CEP350: variants seen among roughly 807,000 people sequenced by gnomAD.
The protein encoded by CEP350 is centrosome-associated protein 350.
In CEP350, 126 loss-of-function variants were observed where a neutral mutation model predicts 331.8. The observed-to-expected ratio is 0.38, with a 90% confidence interval of 0.33 to 0.44. The LOEUF is 0.44. Ranked by LOEUF, CEP350 falls within the 20% of genes least tolerant of loss-of-function variation. The pLI, the probability that CEP350 is intolerant of heterozygous loss-of-function variation, is 1.00. For missense variants in CEP350, 3,406 were observed against 3,634.6 expected (o/e 0.94, Z 1.62); for synonymous variants, 1,200 against 1,259.5 (o/e 0.95, Z 1.00).
chr1:180,024,475 C>T lies in CEP350; in HGVS notation c.3443C>T (p.Ser1148Phe). Residue 1148 changes from serine to phenylalanine, a missense_variant, in exon 14 of 38, where the codon TCC (serine) becomes TTC (phenylalanine). Physicochemically the swap from Ser to Phe is radical, Grantham distance 155. Coordinates refer to ENST00000367607, the MANE Select transcript of CEP350 (RefSeq NM_014810.5). Reference sequence around the variant, plus strand: ...AACAGAAAGTCTGCCTATGATCCTTCCTCTGTGGATGTTACCTCCCAGCAT... The same window carrying T: ...AACAGAAAGTCTGCCTATGATCCTTTCTCTGTGGATGTTACCTCCCAGCAT... Reference protein sequence around the residue: ...HSNRKSAYDPSSVDVTSQHSS... With the variant: ...HSNRKSAYDPFSVDVTSQHSS... 2 of 1,613,328 alleles carry T rather than the reference C, an allele frequency of 1.2e-6. No individual in the cohort carries two copies. Among genetic ancestry groups the T allele is most frequent in the Non-Finnish European group, 1.7e-6 (2 of 1,179,606 alleles).
intron 22 of CEP350, among the ~76,000 whole-genome samples, chr1:180,051,595 A>C (rs779951371): frequency 2.5e-4 from 38 of 152,322 alleles, no homozygotes; most frequent in Non-Finnish European, 3.7e-4. Flanking sequence ...ACAATGAGTA[A>C]ATTTTAATAT....
At chr1:180,017,003 C>G (rs1029755895) in intron 11 of CEP350, among the ~76,000 whole-genome samples, 3 of 152,088 alleles carry the variant, frequency 2.0e-5, no homozygotes, top group African/African-American at 7.2e-5. Flanking sequence ...TAGAATAATA[C>G]TGTCAATAAA....
chr1:180,019,756 G>A (rs545029369), intron 11 of CEP350, among the ~76,000 whole-genome samples, 193 bp from the exon 12 acceptor site: 10 of 152,066 alleles, frequency 6.6e-5, no homozygotes, highest in African/African-American at 2.4e-4. Context: ...TGTTTGGAAG[G>A]ATATAATTCT....
chr1:179,996,482 A>T, intron 5 of CEP350, 71 bp from the exon 6 acceptor site: 1 of 1,106,942 alleles, frequency 9.0e-7, no homozygotes, highest in Non-Finnish European at 1.3e-6. Flanking sequence ...CTTAAAATCT[A>T]CTCTTAGCAA....
chr1:180,090,672 TA>T (rs1397240020), intron 32 of CEP350, 41 bp from the exon 33 acceptor site: 11 of 1,495,140 alleles, frequency 7.4e-6, no homozygotes, highest in Non-Finnish European at 9.8e-6. Context: ...CCAGTTATTA[TA>T]GTAATATGTT....
At chr1:179,971,032 G>GT (rs202043163) in intron 1 of CEP350, among the ~76,000 whole-genome samples, 17,238 of 140,046 alleles carry the variant, frequency 0.12, 1,406 homozygotes, top group African/African-American at 0.24. Flanking sequence ...GTTGTTGTTT[G>GT]TTTTTTTTTT....
intron 21 of CEP350, among the ~76,000 whole-genome samples, chr1:180,048,166 G>T (rs995291032): frequency 6.6e-6 from 1 of 152,214 alleles, no homozygotes; most frequent in Non-Finnish European, 1.5e-5. Flanking sequence ...TAGTAGAGCA[G>T]TTGGGGTGGA....
intron 11 of CEP350, among the ~76,000 whole-genome samples, chr1:180,018,753 A>G (rs1404387032): frequency 6.6e-6 from 1 of 152,074 alleles, no homozygotes; most frequent in Non-Finnish European, 1.5e-5. Context: ...CATGCCTCCC[A>G]GCTTTCTGTC....
In CEP350 at chr1:179,996,974, C is replaced by G; in HGVS notation, c.817C>G (p.Leu273Val). 6.2e-7 allele frequency: 1 copy of G among 1,613,982 alleles called. No homozygotes were observed. Among genetic ancestry groups the G allele is most frequent in the Non-Finnish European group, 8.5e-7 (1 of 1,179,858 alleles). Residue 273 changes from leucine to valine, a missense_variant, in exon 6 of 38, where the codon CTA becomes GTA. This residue lies in a region of CEP350 where 1,857 missense variants were observed against 1,909.2 expected (regional missense o/e 0.97). Transcript: ENST00000367607. ...TTCTAATTCCCAAAGATTAGATATT[C>G]TAAAGCGGCGACAACATGATGTCAA... Reference protein sequence around the residue: ...STSNSQRLDILKRRQHDVKLE... With the variant: ...STSNSQRLDIVKRRQHDVKLE...
rs1423403100 is a variant in CEP350, at chr1:180,093,729, TATG to T, written c.7628_7630del (p.Asp2543del). 3.1e-6 allele frequency: 5 copies of T among 1,613,806 alleles called. No individual in the cohort carries two copies. The African/African-American group carries it at 6.7e-5, about 22-fold the overall frequency. On this transcript the variant is annotated inframe_deletion, in exon 34 of 38. Transcript: ENST00000367607. ...ACCTGAAGGAAATAACAATGGAACA[TATG>T]ATGGTATTGCATATTTTGAGTGCAA...
At chr1:179,969,080 A>C in intron 1 of CEP350, 1 of 702,004 alleles carries the variant, frequency 1.4e-6, no homozygotes, top group Non-Finnish European at 2.6e-6. Context: ...TCTGTGTAAC[A>C]CAGAGTCTCC....
Position 180,011,844 on chromosome 1 carries a change from T to G in CEP350, c.1247-85T>G, listed in dbSNP as rs946027835. On this transcript the variant is annotated intron_variant, in intron 8 of 37. Transcript: ENST00000367607. The stretch of plus-strand genomic sequence containing the variant: ...TGACCTTGACAGATGAACATAAGAT[T>G]AATAATAAAACCTGTATGGTTGAGT... 1.1e-5 allele frequency: 10 copies of G among 875,978 alleles called. No individual in the cohort carries two copies. In the South Asian group the frequency reaches 1.9e-4, roughly 16 times the overall value. The allele number at this position is 875,978 out of a possible 1,614,324, so 54.3% of individuals were successfully genotyped here. A position where few individuals can be genotyped will look rare whatever the true frequency, so the allele number is the denominator to read the frequency against.
intron 34 of CEP350, 80 bp downstream of exon 34, chr1:180,094,696 A>C: frequency 2.1e-6 from 3 of 1,413,424 alleles, no homozygotes; most frequent in Non-Finnish European, 2.8e-6. Flanking sequence ...TATATAGTAC[A>C]TTTTAATTCT....
At chr1:180,073,870 T>C in intron 27 of CEP350, 1 of 1,304,834 alleles carries the variant, frequency 7.7e-7, no homozygotes, top group South Asian at 1.2e-5. Flanking sequence ...CCAACCTTCA[T>C]CCCAAATTCC....
chr1:179,974,611 A>G (rs1351133784), intron 1 of CEP350, among the ~76,000 whole-genome samples: 2 of 152,216 alleles, frequency 1.3e-5, no homozygotes, highest in African/African-American at 4.8e-5. Context: ...ATTGTGAGCC[A>G]TAAGTGCTCA....
chr1:180,073,776 T>C (rs1228590315), intron 27 of CEP350: 4 of 1,301,780 alleles, frequency 3.1e-6, no homozygotes, highest in Non-Finnish European at 4.0e-6. Context: ...TCTTCCTCCT[T>C]ATTTTGTAGA....
intron 25 of CEP350, among the ~76,000 whole-genome samples, chr1:180,055,386 G>GT (rs1237935327): frequency 6.6e-6 from 1 of 151,964 alleles, no homozygotes; most frequent in East Asian, 1.9e-4. Flanking sequence ...ATAGATTCCA[G>GT]TTTTTTTCCC....
intron 1 of CEP350, among the ~76,000 whole-genome samples, chr1:179,966,627 G>A (rs1435502020): frequency 6.6e-6 from 1 of 152,104 alleles, no homozygotes; most frequent in Admixed American, 6.6e-5. Context: ...TCTGAAAGCT[G>A]AAATTGGTAC....
intron 22 of CEP350, chr1:180,052,252 T>C (rs1385162728): frequency 2.2e-6 from 1 of 453,312 alleles, no homozygotes; most frequent in African/African-American, 2.0e-5. Flanking sequence ...TCACCCAGGC[T>C]GGTCTCGAAC....
Sources: allele counts gnomAD v4.1 joint callset (sites outside exome capture counted in the v4.1 genomes callset), GRCh38; gene constraint gnomAD v4.1.1; regional missense constraint gnomAD v4.1.1; transcripts MANE v1.5; gene names NCBI Gene and HGNC (gene_info 2026-07-23, HGNC 2026-07-21).